Variants in COLEC12 observed in about 807,000 individuals in gnomAD.
The protein encoded by COLEC12 is collectin subfamily member 12, also known as collectin-12.
A neutral mutation model predicts 71.1 loss-of-function variants in COLEC12; 33 were observed. The observed-to-expected ratio is 0.46, with a 90% CI of 0.35 to 0.62. The LOEUF (loss-of-function observed/expected upper bound fraction) is 0.62, where lower values mean the gene tolerates loss of function less well. Ranked by LOEUF, COLEC12 falls within the 20% of genes least tolerant of loss-of-function variation. The probability of loss-of-function intolerance (pLI) is 0.00; values close to 1 mark genes in which losing one functional copy is unlikely to be tolerated. For synonymous variants in COLEC12, 350 were observed against 353.0 expected (o/e 0.99, Z 0.10); for missense variants, 765 against 916.1 (o/e 0.84, Z 2.13).
chr18:409,899 A>G (rs529347882), intron 2 of COLEC12, among the ~76,000 whole-genome samples: 3 of 152,316 alleles, frequency 2.0e-5, no homozygotes, highest in African/African-American at 7.2e-5. Flanking sequence ...CTCTGTCCTC[A>G]TTGCGCTAAT....
intron 8 of COLEC12, among the ~76,000 whole-genome samples, chr18:323,093 C>T (rs1170074263): frequency 1.3e-5 from 2 of 152,160 alleles, no homozygotes; most frequent in African/African-American, 2.4e-5. Context: ...GGCATGGTGG[C>T]AGGCACCTGT....
At chr18:429,539 G>A (rs1267337590) in intron 2 of COLEC12, among the ~76,000 whole-genome samples, 1 of 152,028 alleles carries the variant, frequency 6.6e-6, no homozygotes, top group Non-Finnish European at 1.5e-5. Flanking sequence ...CTGCCACCAT[G>A]CCCGGCTAAT....
chr18:484,756 T>C (rs1023692741), intron 1 of COLEC12, among the ~76,000 whole-genome samples: 4 of 152,234 alleles, frequency 2.6e-5, no homozygotes, highest in Admixed American at 6.5e-5. Flanking sequence ...AATCCTCTTT[T>C]GCTACCCTTA....
chr18:325,044 T>G (rs1282646221), intron 8 of COLEC12, among the ~76,000 whole-genome samples: 1 of 151,898 alleles, frequency 6.6e-6, no homozygotes, highest in African/African-American at 2.4e-5. Context: ...TTAAAATAAA[T>G]TAGCCAGGTA....
At chr18:353,234 T>C (rs1914561423) in intron 3 of COLEC12, among the ~76,000 whole-genome samples, 1 of 152,170 alleles carries the variant, frequency 6.6e-6, no homozygotes, top group Non-Finnish European at 1.5e-5. Context: ...CAACTCGATC[T>C]TTATTTGAAT....
chr18:427,787 A>G (rs1916226068), intron 2 of COLEC12, among the ~76,000 whole-genome samples: 2 of 152,140 alleles, frequency 1.3e-5, no homozygotes, highest in South Asian at 4.1e-4. Context: ...CCCAGGATGA[A>G]GGAGACCCTA....
intron 6 of COLEC12, 170 bp from the exon 7 acceptor site, chr18:333,313 C>T: frequency 1.8e-6 from 1 of 566,164 alleles, no homozygotes; most frequent in East Asian, 3.0e-5. Flanking sequence ...AAGCATGACC[C>T]AAAGTGGACT....
At chr18:360,494 A>T (rs1914721164) in intron 2 of COLEC12, among the ~76,000 whole-genome samples, 1 of 152,128 alleles carries the variant, frequency 6.6e-6, no homozygotes, top group Non-Finnish European at 1.5e-5. Context: ...CCTGGCCAAG[A>T]ATTTGGATTT....
At position 349,613 on chromosome 18, in the gene COLEC12, G is replaced by A. The variant is rs1914463799; in HGVS notation, c.182-1450C>T. The stretch of plus-strand genomic sequence containing the variant: ...GGTAGATCCACTGACAGTTTGCACC[G>A]TTCACCTGGAAAAGCCACAGATGCT... On this transcript the variant is annotated intron_variant, in intron 3 of 9. Transcript: ENST00000400256. Among the ~76,000 whole-genome samples, 4 of 152,264 alleles carry A rather than the reference G, an allele frequency of 2.6e-5. No individual in the cohort carries two copies. In the South Asian group the frequency reaches 8.3e-4, roughly 32 times the overall value.
chr18:393,969 G>A (rs2143596517), intron 2 of COLEC12, among the ~76,000 whole-genome samples: 1 of 152,304 alleles, frequency 6.6e-6, no homozygotes, highest in Admixed American at 6.5e-5. Flanking sequence ...TGTTTACATA[G>A]GCTTTGTGGA....
rs1367455604 is a variant in COLEC12 at position 319,350 on chromosome 18, A to ATG, written c.*694_*695insCA. The ATG allele has an allele frequency of 7.4e-6, 1 of 134,398 alleles. No homozygotes were observed. The highest frequency in any genetic ancestry group is 2.7e-5 in the African/African-American group (1 of 37,696). The allele number at this position is 134,398 out of a possible 1,614,324, so 8.3% of individuals were successfully genotyped here. A position where few individuals can be genotyped will look rare whatever the true frequency, so the allele number is the denominator to read the frequency against. ...AAAAAAAAAAAAAAAAAATATATAT[A>ATG]TATATATATATATACACATGTATAT... On this transcript the variant is annotated 3_prime_UTR_variant, in exon 10 of 10. Transcript: ENST00000400256.
At position 422,726 on chromosome 18, in the gene COLEC12, C is replaced by T. The variant is rs558580031; in HGVS notation, c.58+57981G>A. Among the ~76,000 whole-genome samples the T allele has an allele frequency of 3.9e-5, 6 of 152,192 alleles. 1 individual carries two copies. In the South Asian group the frequency reaches 1.2e-3, roughly 32 times the overall value. ...TACGTGCACACACACAGAACCTATG[C>T]ATTACATTCTAAGCATGTACATATG... On this transcript the variant is annotated intron_variant, in intron 2 of 9. Coordinates refer to ENST00000400256, the MANE Select transcript of COLEC12 (RefSeq NM_130386.3).
intron 2 of COLEC12, among the ~76,000 whole-genome samples, chr18:463,318 C>T (rs143038045): frequency 6.6e-6 from 1 of 152,188 alleles, no homozygotes; most frequent in African/African-American, 2.4e-5. Context: ...CATTATTATA[C>T]TGGCACACGG....
chr18:440,733 C>A (rs1598364150), intron 2 of COLEC12, among the ~76,000 whole-genome samples: 1 of 152,232 alleles, frequency 6.6e-6, no homozygotes, highest in East Asian at 1.9e-4. Context: ...AGTACTAATA[C>A]CTTACATTTG....
intron 2 of COLEC12, among the ~76,000 whole-genome samples, chr18:392,741 C>A (rs1197190735): frequency 6.6e-6 from 1 of 152,240 alleles, no homozygotes; most frequent in Non-Finnish European, 1.5e-5. Context: ...CACAGCAAGA[C>A]ATGTGCTGTC....
intron 2 of COLEC12, among the ~76,000 whole-genome samples, chr18:374,645 G>T (rs56800181): frequency 4.3e-4 from 66 of 152,148 alleles, no homozygotes; most frequent in African/African-American, 1.5e-3. Flanking sequence ...GTTTTGGGGC[G>T]GCTTGTTATA....
chr18:441,254 T>A (rs905755156), intron 2 of COLEC12, among the ~76,000 whole-genome samples: 10 of 151,660 alleles, frequency 6.6e-5, no homozygotes, highest in Non-Finnish European at 8.8e-5. Flanking sequence ...TCTCAAAAAA[T>A]AAATAAATAA....
intron 1 of COLEC12, among the ~76,000 whole-genome samples, chr18:485,658 T>G (rs1917505551): frequency 6.6e-6 from 1 of 152,232 alleles, no homozygotes; most frequent in Non-Finnish European, 1.5e-5. Flanking sequence ...TGAACAGAAT[T>G]TGGCTGCTGA....
intron 2 of COLEC12, among the ~76,000 whole-genome samples, chr18:392,349 G>A (rs1915479297): frequency 6.6e-6 from 1 of 152,106 alleles, no homozygotes; most frequent in South Asian, 2.1e-4. Context: ...TACAATTCTG[G>A]TTTTGTCACC....
Sources: gnomAD v4.1 joint callset for allele counts (sites outside exome capture counted in the v4.1 genomes callset) on GRCh38, gnomAD v4.1.1 for gene constraint, MANE v1.5 for transcripts, NCBI Gene and HGNC (gene_info 2026-07-23, HGNC 2026-07-21) for gene names.